ATXN1: variants seen among roughly 807,000 people sequenced by gnomAD.
ATXN1 encodes the protein ataxin 1, also known as ataxin-1.
ATXN1 carries 8 observed loss-of-function variants against 56.4 expected under a neutral mutation model. The ratio of observed to expected loss-of-function variants is 0.14; its 90% CI spans 0.08 to 0.26. The LOEUF is 0.26. ATXN1 is among the 10% of genes least tolerant of loss of function. The pLI is 1.00. For synonymous variants in ATXN1, 514 were observed against 494.6 expected (o/e 1.04, Z -0.52); for missense variants, 987 against 1,106.5 (o/e 0.89, Z 1.53).
chr6:16,640,716 G>A (rs377469835), intron 3 of ATXN1, among the ~76,000 whole-genome samples: 7 of 151,848 alleles, frequency 4.6e-5, no homozygotes, highest in African/African-American at 1.7e-4. Context: ...ATTGAAATTA[G>A]GCCAATTAAT....
intron 6 of ATXN1, among the ~76,000 whole-genome samples, chr6:16,384,913 C>G (rs1339237765): frequency 1.3e-5 from 2 of 152,218 alleles, no homozygotes; most frequent in African/African-American, 4.8e-5. Context: ...ACTAATACAT[C>G]TGTATCCAGT....
chr6:16,731,323 T>C (rs146956693), intron 2 of ATXN1, among the ~76,000 whole-genome samples: 1 of 151,748 alleles, frequency 6.6e-6, no homozygotes, highest in Non-Finnish European at 1.5e-5. Context: ...GAGTGCAAGA[T>C]GCATTCAGGG....
At chr6:16,587,694 G>A (rs236973) in intron 3 of ATXN1, among the ~76,000 whole-genome samples, 108,397 of 151,814 alleles carry the variant, frequency 0.71, 39,035 homozygotes, top group Admixed American at 0.79. Flanking sequence ...GCACTTTGGG[G>A]GGCCAAGGCG....
chr6:16,557,640 TG>T (rs1173528971), intron 4 of ATXN1, among the ~76,000 whole-genome samples: 1 of 152,196 alleles, frequency 6.6e-6, no homozygotes. Context: ...AGTAAAACAG[TG>T]TGCATGGGCA....
chr6:16,542,029 T>C (rs1761724320), intron 4 of ATXN1, among the ~76,000 whole-genome samples: 1 of 151,752 alleles, frequency 6.6e-6, no homozygotes, highest in Non-Finnish European at 1.5e-5. Flanking sequence ...ATTAAAACCA[T>C]CTCTTAAGGC....
In ATXN1 at chr6:16,327,332, C is replaced by T. The variant is rs1760837567; in HGVS notation, c.979G>A (p.Glu327Lys). Residue 327 changes from glutamate (E) to lysine (K), a missense_variant, in exon 7 of 8, where the codon GAG becomes AAG. Transcript: ENST00000436367. ...AIQAKEVLNG[E>K]MEKSRRYGAP... Reference sequence around the variant, plus strand: ...CCGTACCGCCGGCTCTTCTCCATCTCACCGTTCAGGACCTCCTTGGCCTGG... The same window carrying T: ...CCGTACCGCCGGCTCTTCTCCATCTTACCGTTCAGGACCTCCTTGGCCTGG... 2 of 1,613,274 alleles carry T rather than the reference C, an allele frequency of 1.2e-6. No individual in the cohort carries two copies. The highest frequency in any genetic ancestry group is 1.7e-5 in the Admixed American group (1 of 60,016).
intron 4 of ATXN1, among the ~76,000 whole-genome samples, chr6:16,585,262 C>CA (rs555610613): frequency 4.1e-4 from 62 of 151,418 alleles, no homozygotes; most frequent in Admixed American, 2.8e-3. Flanking sequence ...AATAAAAAGG[C>CA]AAAAAAATTA....
At position 16,301,213 on chromosome 6, in the gene ATXN1, C is replaced by T. The variant is rs1324366188; in HGVS notation, c.*5116G>A. 1.3e-5 allele frequency: 2 copies of T among 152,394 alleles called. No homozygotes were observed. Among genetic ancestry groups the T allele is most frequent in the Non-Finnish European group, 2.9e-5 (2 of 68,006 alleles). 9.4% of individuals were successfully genotyped at this position (152,394 alleles called of 1,614,324 possible). ...ATTTTTTAAAACATTACCTGTACTCCTCAAAGTGAGTGCTTCAAAATTTTG... is the reference window on the plus strand; with the variant it reads ...ATTTTTTAAAACATTACCTGTACTCTTCAAAGTGAGTGCTTCAAAATTTTG... On this transcript the variant is annotated 3_prime_UTR_variant, in exon 8 of 8. Transcript: ENST00000436367.
chr6:16,419,776 C>T (rs13215730), intron 6 of ATXN1, among the ~76,000 whole-genome samples: 1 of 152,148 alleles, frequency 6.6e-6, no homozygotes. Flanking sequence ...TGTGGTGAGG[C>T]TGGAGGGGAC....
intron 4 of ATXN1, among the ~76,000 whole-genome samples, chr6:16,528,440 T>C (rs2237185): frequency 0.73 from 111,684 of 152,156 alleles, 42,210 homozygotes; most frequent in African/African-American, 0.9. Flanking sequence ...GGTTTAGATT[T>C]TAACATCCAA....
intron 6 of ATXN1, among the ~76,000 whole-genome samples, chr6:16,388,194 G>T (rs1758279796): frequency 6.6e-6 from 1 of 152,176 alleles, no homozygotes. Context: ...TGCAGTCACG[G>T]TGAAAGGGGC....
At chr6:16,565,380 C>T (rs755321825) in intron 4 of ATXN1, among the ~76,000 whole-genome samples, 4 of 152,084 alleles carry the variant, frequency 2.6e-5, no homozygotes, top group Non-Finnish European at 5.9e-5. Context: ...TCCCCATAAT[C>T]TATTTATTTG....
At chr6:16,619,620 G>A (rs1763282042) in intron 3 of ATXN1, among the ~76,000 whole-genome samples, 1 of 152,162 alleles carries the variant, frequency 6.6e-6, no homozygotes, top group South Asian at 2.1e-4. Context: ...TTTATCGTAT[G>A]CGTGATCTGC....
intron 4 of ATXN1, among the ~76,000 whole-genome samples, chr6:16,578,803 T>C (rs533188485): frequency 6.6e-6 from 1 of 152,176 alleles, no homozygotes; most frequent in East Asian, 1.9e-4. Flanking sequence ...CCCCCCTTTT[T>C]GGGGTGTGTG....
At chr6:16,523,122 G>A (rs1761325595) in intron 4 of ATXN1, among the ~76,000 whole-genome samples, 1 of 152,074 alleles carries the variant, frequency 6.6e-6, no homozygotes, top group African/African-American at 2.4e-5. Context: ...GGCTGGTCTT[G>A]AACTCCTGGC....
intron 5 of ATXN1, among the ~76,000 whole-genome samples, chr6:16,522,416 AAAG>A (rs1424249847): frequency 1.3e-5 from 2 of 152,142 alleles, no homozygotes; most frequent in Non-Finnish European, 2.9e-5. Flanking sequence ...GAACGGCAAA[AAAG>A]AAATCGCAGA....
intron 5 of ATXN1, among the ~76,000 whole-genome samples, chr6:16,501,710 T>C (rs533870800): frequency 1.9e-4 from 29 of 152,208 alleles, no homozygotes; most frequent in Non-Finnish European, 4.0e-4. Flanking sequence ...ATTTTCTTTA[T>C]CCAGTCTATC....
chr6:16,347,207 C>CA (rs1309133337), intron 6 of ATXN1, among the ~76,000 whole-genome samples: 30 of 152,240 alleles, frequency 2.0e-4, no homozygotes, highest in Non-Finnish European at 7.3e-5. Context: ...ATCGACCACC[C>CA]AAGGACTGAG....
intron 6 of ATXN1, among the ~76,000 whole-genome samples, chr6:16,332,253 T>G (rs552597128): frequency 6.6e-6 from 1 of 151,886 alleles, no homozygotes; most frequent in East Asian, 1.9e-4. Flanking sequence ...AACCCACGGG[T>G]AGAGATTGGG....
Sources: allele counts gnomAD v4.1 joint callset (sites outside exome capture counted in the v4.1 genomes callset), GRCh38; gene constraint gnomAD v4.1.1; transcripts MANE v1.5; gene names NCBI Gene and HGNC (gene_info 2026-07-23, HGNC 2026-07-21).